PURG: variants seen among roughly 807,000 people sequenced by gnomAD.
PURG encodes the protein purine rich element binding protein G.
PURG carries 3 observed loss-of-function variants against 24.3 expected under a neutral mutation model. The observed-to-expected ratio is 0.12, with a 90% confidence interval of 0.06 to 0.32. The LOEUF (loss-of-function observed/expected upper bound fraction) is 0.32. Ranked by LOEUF, PURG falls within the 10% of genes least tolerant of loss-of-function variation. The probability of loss-of-function intolerance (pLI) is 1.00; values close to 1 mark genes in which losing one functional copy is unlikely to be tolerated. For missense variants in PURG, 371 were observed against 439.1 expected (o/e 0.84, Z 1.39); for synonymous variants, 180 against 173.1 (o/e 1.04, Z -0.31).
chr8:31,015,661 T>C (rs1810848375), intron 1 of PURG, among the ~76,000 whole-genome samples: 1 of 152,130 alleles, frequency 6.6e-6, no homozygotes, highest in African/African-American at 2.4e-5. Flanking sequence ...GGTGAGAAAC[T>C]GGCATTTCCA....
At chr8:31,002,747 G>C (rs150958018) in intron 1 of PURG, among the ~76,000 whole-genome samples, 1 of 152,190 alleles carries the variant, frequency 6.6e-6, no homozygotes, top group Non-Finnish European at 1.5e-5. Context: ...GCCTCCCAAA[G>C]TGCTAGGATT....
chr8:31,031,618 C>G lies in PURG; in HGVS notation c.*121G>C. On this transcript the variant is annotated 3_prime_UTR_variant, in exon 2 of 2. Transcript: ENST00000523392. ...ATCAGACTTCCTGAAGTATCAACTACTAGAGGTATTACTAATAACAACGGG... is the reference window on the plus strand; with the variant it reads ...ATCAGACTTCCTGAAGTATCAACTAGTAGAGGTATTACTAATAACAACGGG... 1.2e-6 allele frequency: 1 copy of G among 805,454 alleles called. No homozygotes were observed. Among genetic ancestry groups the G allele is most frequent in the Non-Finnish European group, 1.9e-6 (1 of 520,904 alleles). 49.9% of individuals were successfully genotyped at this position (805,454 alleles called of 1,614,324 possible). A position where few individuals can be genotyped will look rare whatever the true frequency, so the allele number is the denominator to read the frequency against.
chr8:31,007,946 G>A lies in PURG; in HGVS notation c.865-11249C>T, dbSNP rs143000604. Among the ~76,000 whole-genome samples, 361 of 152,280 alleles carry A rather than the reference G, an allele frequency of 2.4e-3. 7 individuals are homozygous for A. The East Asian group carries it at 0.037, about 16-fold the overall frequency. ...ATTCATTTTCTTAATGGTGTCTTTG[G>A]ATGAGTAGGAAATTTTAATTTTGAT... On this transcript the variant is annotated intron_variant, in intron 1 of 1. Transcript: ENST00000339382.
At chr8:31,027,324 T>C (rs1811110175), downstream of PURG, among the ~76,000 whole-genome samples, 1 of 151,536 alleles carries the variant, frequency 6.6e-6, no homozygotes, top group Non-Finnish European at 1.5e-5. Flanking sequence ...ACCCCTTACA[T>C]AAAGCTTTGA....
chr8:30,995,899 G>T (rs2129757405), exon 2 of PURG: 1 of 152,122 alleles, frequency 6.6e-6, no homozygotes, highest in East Asian at 1.9e-4. Flanking sequence ...AGGGAGGAAA[G>T]TTTTAAACTT....
intron 1 of PURG, among the ~76,000 whole-genome samples, chr8:31,011,937 T>C (rs1810771084): frequency 6.6e-6 from 1 of 152,186 alleles, no homozygotes. Context: ...GTGAGTCATC[T>C]TTGAAATAAA....
chr8:31,010,900 G>C (rs1355250555), intron 1 of PURG, among the ~76,000 whole-genome samples: 1 of 152,092 alleles, frequency 6.6e-6, no homozygotes, highest in African/African-American at 2.4e-5. Context: ...CATAATTAAT[G>C]ACCAGTTATG....
At chr8:31,029,288 T>C (rs1811144828), downstream of PURG, among the ~76,000 whole-genome samples, 1 of 151,840 alleles carries the variant, frequency 6.6e-6, no homozygotes, top group African/African-American at 2.4e-5. Context: ...TGCCAGTATA[T>C]ATGCATCTAT....
chr8:30,996,704 A>G (rs1345118760), intron 1 of PURG: 10 of 1,589,142 alleles, frequency 6.3e-6, no homozygotes, highest in Non-Finnish European at 8.6e-6. Context: ...TGAGCTAAAG[A>G]AAAAATATTA....
chr8:31,017,151 T>C (rs1402699411), intron 1 of PURG, among the ~76,000 whole-genome samples: 2 of 152,154 alleles, frequency 1.3e-5, no homozygotes, highest in African/African-American at 4.8e-5. Flanking sequence ...GCAGGAATGA[T>C]AAATAGCAAA....
At chr8:31,012,206 C>T (rs1370104635) in intron 1 of PURG, among the ~76,000 whole-genome samples, 1 of 152,122 alleles carries the variant, frequency 6.6e-6, no homozygotes, top group Non-Finnish European at 1.5e-5. Context: ...TAGGATTTTT[C>T]AAATGGGAAA....
chr8:30,999,746 A>G (rs775148397), intron 1 of PURG, among the ~76,000 whole-genome samples: 24 of 152,036 alleles, frequency 1.6e-4, no homozygotes, highest in Non-Finnish European at 2.9e-4. Flanking sequence ...GCACAGATTC[A>G]TACACTTAGC....
At chr8:31,009,525 A>G (rs1810725895) in intron 1 of PURG, among the ~76,000 whole-genome samples, 1 of 152,228 alleles carries the variant, frequency 6.6e-6, no homozygotes, top group South Asian at 2.1e-4. Flanking sequence ...CAGTGATGCT[A>G]CAAAACCATG....
chr8:31,007,700 G>C (rs943225894), intron 1 of PURG, among the ~76,000 whole-genome samples: 3 of 152,058 alleles, frequency 2.0e-5, no homozygotes, highest in Non-Finnish European at 4.4e-5. Context: ...GACACCTTCA[G>C]GCAAAAAACC....
intron 1 of PURG, among the ~76,000 whole-genome samples, chr8:31,010,125 A>T (rs925613383): frequency 6.6e-6 from 1 of 152,202 alleles, no homozygotes; most frequent in Non-Finnish European, 1.5e-5. Flanking sequence ...AAAATAATAA[A>T]AAATGGAATG....
In PURG at chr8:31,003,194, G is replaced by A. The variant is rs549781716; in HGVS notation, c.865-6497C>T. Among the ~76,000 whole-genome samples, 10 of 152,304 alleles carry A rather than the reference G, an allele frequency of 6.6e-5. No homozygotes were observed. In the South Asian group the frequency reaches 2.1e-3, roughly 32 times the overall value. Reference sequence around the variant, plus strand: ...TGGAATTATCAGAATGAAATATGAAGATGGTAAAACAACTTAGGAACCTGA... The same window carrying A: ...TGGAATTATCAGAATGAAATATGAAAATGGTAAAACAACTTAGGAACCTGA... On this transcript the variant is annotated intron_variant, in intron 1 of 1. Coordinates refer to the PURG transcript ENST00000339382.
At chr8:31,027,351 A>G (rs1040348320), downstream of PURG, among the ~76,000 whole-genome samples, 3 of 151,742 alleles carry the variant, frequency 2.0e-5, no homozygotes, top group African/African-American at 7.2e-5. Context: ...TTTCATAAAT[A>G]GTTCCAATGA....
At chr8:31,012,679 AATTT>A (rs1810784684) in intron 1 of PURG, among the ~76,000 whole-genome samples, 1 of 152,228 alleles carries the variant, frequency 6.6e-6, no homozygotes, top group Non-Finnish European at 1.5e-5. Flanking sequence ...CAATTCCCTC[AATTT>A]ATGGATAAGC....
intron 1 of PURG, among the ~76,000 whole-genome samples, chr8:31,006,088 A>C (rs2543622): frequency 0.87 from 132,633 of 152,174 alleles, 58,169 homozygotes; most frequent in East Asian, 0.97. Context: ...CACTTCAAAT[A>C]TAAGGGGCCA....
Sources: gnomAD v4.1 joint callset for allele counts (sites outside exome capture counted in the v4.1 genomes callset) on GRCh38, gnomAD v4.1.1 for gene constraint, MANE v1.5 for transcripts, NCBI Gene and HGNC (gene_info 2026-07-23, HGNC 2026-07-21) for gene names.